Variants in HPF1 observed in about 807,000 individuals in gnomAD.
HPF1 encodes histone PARylation factor 1, also known as UPF0609 protein C4orf27.
HPF1 carries 35 observed loss-of-function variants against 38.8 expected under a neutral mutation model. That is an observed-to-expected ratio of 0.90 (90% CI 0.69 to 1.19). HPF1 has a LOEUF of 1.19. HPF1 is among the 50% of genes most tolerant of loss of function. The probability of loss-of-function intolerance (pLI) is 0.00; values close to 1 mark genes in which losing one functional copy is unlikely to be tolerated. For missense variants in HPF1, 367 were observed against 405.8 expected (o/e 0.90, Z 0.82); for synonymous variants, 115 against 139.2 (o/e 0.83, Z 1.22).
chr4:169,751,841 C>T (rs1005550125), intron 2 of HPF1, among the ~76,000 whole-genome samples: 2 of 152,094 alleles, frequency 1.3e-5, no homozygotes, highest in African/African-American at 4.8e-5. Flanking sequence ...ATCTCATTAG[C>T]CGAAGATAAC....
At chr4:169,743,409 CTTTTTTTTTTTTT>C (rs34941625) in intron 4 of HPF1, among the ~76,000 whole-genome samples, 1 of 69,714 alleles carries the variant, frequency 1.4e-5, no homozygotes. Context: ...TGCCCCTGGC[CTTTTTTTTTTTTT>C]TTTTTTTTTT....
chr4:169,731,814 C>G lies in HPF1; in HGVS notation c.799G>C (p.Ala267Pro), dbSNP rs200256999. ...EAASDEERLKAFAPIQEMMTF... is the reference protein window; with the variant it reads ...EAASDEERLKPFAPIQEMMTF... ...ATCATTTCCTGAATGGGAGCAAAAG[C>G]TTTTAGTCTCTCCTCATCACTTGCA... Residue 267 changes from alanine to proline, a missense_variant, in exon 7 of 8, where the codon GCT (alanine) becomes CCT (proline). By Grantham distance (27) the Ala-to-Pro change is conservative (BLOSUM62 -1). Transcript: ENST00000393381. The G allele has an allele frequency of 3.1e-6, 5 of 1,611,878 alleles. No individual in the cohort carries two copies. The East Asian group carries it at 1.1e-4, about 36-fold the overall frequency.
At chr4:169,748,226 G>GGTGT (rs1319012256) in intron 4 of HPF1, among the ~76,000 whole-genome samples, 8 of 152,150 alleles carry the variant, frequency 5.3e-5, no homozygotes, top group African/African-American at 1.7e-4. Context: ...CTGAGGTCAA[G>GGTGT]TATTATTTTC....
Position 169,738,281 on chromosome 4 carries a change from T to C in HPF1, c.649-534A>G, listed in dbSNP as rs534019606. Among the ~76,000 whole-genome samples the C allele has an allele frequency of 3.3e-5, 5 of 152,336 alleles. No individual in the cohort carries two copies. The East Asian group carries it at 9.7e-4, about 29-fold the overall frequency. On this transcript the variant is annotated intron_variant, in intron 5 of 7. Transcript: ENST00000393381. ...GGCAGTTTCTAGGTTTGTGGTGTCC[T>C]TTATGGAGGCAAATCACATAACCAG... is the stretch of plus-strand genomic sequence containing the variant.
chr4:169,735,889 G>T (rs1264149234), intron 6 of HPF1, among the ~76,000 whole-genome samples: 3 of 140,374 alleles, frequency 2.1e-5, no homozygotes, highest in Non-Finnish European at 3.0e-5. Flanking sequence ...ATTTTTTCCA[G>T]TATCCACATG....
chr4:169,733,058 CTGACTTG>C (rs1402282100), intron 6 of HPF1, among the ~76,000 whole-genome samples: 3 of 152,126 alleles, frequency 2.0e-5, no homozygotes, highest in Non-Finnish European at 2.9e-5. Flanking sequence ...AAAAAAATTA[CTGACTTG>C]TGACTTGTGG....
At chr4:169,732,808 A>G (rs1436664524) in intron 6 of HPF1, among the ~76,000 whole-genome samples, 5 of 152,234 alleles carry the variant, frequency 3.3e-5, no homozygotes, top group African/African-American at 1.2e-4. Context: ...TTAAAAATAC[A>G]GTATAACAAC....
rs1734147164 is a variant in HPF1 at position 169,753,599 on chromosome 4, G to A, written c.208+77C>T. 3 of 1,253,502 alleles carry A rather than the reference G, an allele frequency of 2.4e-6. No homozygotes were observed. The East Asian group carries it at 7.3e-5, about 30-fold the overall frequency. The allele number at this position is 1,253,502 out of a possible 1,614,324, so 77.6% of individuals were successfully genotyped here. ...CCTGCCTCAGCTGGGATTACAGAGTGTGAGCCACCACACCCAGCTGGTTTC... is the reference window on the plus strand; with the variant it reads ...CCTGCCTCAGCTGGGATTACAGAGTATGAGCCACCACACCCAGCTGGTTTC... On this transcript the variant is annotated intron_variant, in intron 2 of 7. Coordinates refer to ENST00000393381, the MANE Select transcript of HPF1 (RefSeq NM_017867.3).
intron 2 of HPF1, among the ~76,000 whole-genome samples, chr4:169,752,349 T>C (rs1321442654): frequency 6.6e-6 from 1 of 152,066 alleles, no homozygotes; most frequent in Non-Finnish European, 1.5e-5. Flanking sequence ...GCATGACTAT[T>C]TTTAAAGAAA....
intron 4 of HPF1, among the ~76,000 whole-genome samples, chr4:169,746,246 T>C (rs1406587322): frequency 2.0e-5 from 3 of 152,192 alleles, no homozygotes; most frequent in African/African-American, 7.2e-5. Flanking sequence ...TTTCATTTGA[T>C]AAACAATCTG....
chr4:169,745,539 A>G (rs368300167), intron 4 of HPF1, among the ~76,000 whole-genome samples: 15 of 152,180 alleles, frequency 9.9e-5, no homozygotes, highest in African/African-American at 3.6e-4. Flanking sequence ...TCAATCATAC[A>G]AGGGCTTTTT....
chr4:169,746,856 C>A (rs943403798), intron 4 of HPF1, among the ~76,000 whole-genome samples: 1 of 150,234 alleles, frequency 6.7e-6, no homozygotes. Context: ...CTGATCTTCA[C>A]CTAAGTTATA....
At chr4:169,736,014 T>C (rs1051209502) in intron 6 of HPF1, among the ~76,000 whole-genome samples, 11 of 151,396 alleles carry the variant, frequency 7.3e-5, no homozygotes, top group Admixed American at 2.6e-4. Flanking sequence ...AATAGTATTA[T>C]GTCAACATAT....
chr4:169,732,418 C>T (rs773056901), intron 6 of HPF1, among the ~76,000 whole-genome samples: 19 of 152,102 alleles, frequency 1.2e-4, no homozygotes, highest in African/African-American at 2.9e-4. Flanking sequence ...GGATTACAGG[C>T]GTGAGCCACT....
In HPF1 at chr4:169,731,743, C is replaced by A. The variant is rs1733831826; in HGVS notation, c.870G>T (p.Gly290=). The A allele has an allele frequency of 6.3e-7, 1 of 1,583,210 alleles. No individual in the cohort carries two copies. Among genetic ancestry groups the A allele is most frequent in the Non-Finnish European group, 8.6e-7 (1 of 1,169,224 alleles). ...AAAAGAGATCCATTCCCAATTCAAG[C>A]CCCATGCCATAATCACATTCATCAT... is the stretch of plus-strand genomic sequence containing the variant. ...FANDECDYGM[G]LELGMDLFCY... Residue 290 remains glycine (G), a synonymous_variant, in exon 7 of 8, where the codon GGG becomes GGT. Transcript: ENST00000393381.
At chr4:169,753,874 A>C in intron 1 of HPF1, 39 bp from the exon 2 acceptor site, 1 of 1,536,624 alleles carries the variant, frequency 6.5e-7, no homozygotes, top group East Asian at 2.3e-5. Flanking sequence ...TCCAAATTTC[A>C]GTAACTCTCC....
intron 6 of HPF1, among the ~76,000 whole-genome samples, chr4:169,733,910 A>C (rs77291000): frequency 0.012 from 1,882 of 152,028 alleles, 36 homozygotes; most frequent in African/African-American, 0.042. Flanking sequence ...AAAAAAAAAA[A>C]AAATTACCAA....
At chr4:169,733,311 C>T (rs1477161584) in intron 6 of HPF1, among the ~76,000 whole-genome samples, 4 of 152,006 alleles carry the variant, frequency 2.6e-5, no homozygotes, top group Non-Finnish European at 5.9e-5. Context: ...AATGTACATC[C>T]GATTTCAGGA....
intron 5 of HPF1, among the ~76,000 whole-genome samples, chr4:169,740,401 C>T (rs1560888222): frequency 6.6e-6 from 1 of 152,118 alleles, no homozygotes; most frequent in Non-Finnish European, 1.5e-5. Context: ...CCAAAGTATG[C>T]TAAGTTACTA....
Sources: gnomAD v4.1 joint callset for allele counts (sites outside exome capture counted in the v4.1 genomes callset) on GRCh38, gnomAD v4.1.1 for gene constraint, MANE v1.5 for transcripts, NCBI Gene and HGNC (gene_info 2026-07-23, HGNC 2026-07-21) for gene names.